Variants in MTA3 observed in about 807,000 individuals in gnomAD.
MTA3 encodes metastasis associated 1 family member 3, also known as metastasis-associated protein MTA3.
In MTA3, 34 loss-of-function variants were observed where a neutral mutation model predicts 83.5. The observed-to-expected ratio is 0.41, with a 90% CI of 0.31 to 0.54. MTA3 has a LOEUF of 0.54. Ranked by LOEUF, MTA3 falls within the 20% of genes least tolerant of loss-of-function variation. MTA3 has a pLI of 0.33. For missense variants in MTA3, 761 were observed against 726.4 expected (o/e 1.05, Z -0.55); for synonymous variants, 303 against 252.7 (o/e 1.20, Z -1.89).
At chr2:42,720,406 C>G (rs1573751688) in intron 15 of MTA3, among the ~76,000 whole-genome samples, 5 of 152,222 alleles carry the variant, frequency 3.3e-5, no homozygotes, top group African/African-American at 1.2e-4. Flanking sequence ...GGGTCTCAAT[C>G]TCCTGACCTC....
intron 3 of MTA3, among the ~76,000 whole-genome samples, chr2:42,581,436 C>T: frequency 7.2e-6 from 1 of 139,206 alleles, no homozygotes. Context: ...GTGGCAGGAT[C>T]ATAGCTCACT....
intron 2 of MTA3, chr2:42,532,751 T>TTTA: frequency 4.3e-6 from 1 of 235,100 alleles, no homozygotes; most frequent in Non-Finnish European, 8.4e-6. Context: ...TTTTTTTTTT[T>TTTA]AAACACCTAT....
chr2:42,579,022 T>G, intron 2 of MTA3, 85 bp from the exon 3 acceptor site: 1 of 859,608 alleles, frequency 1.2e-6, no homozygotes, highest in Non-Finnish European at 1.8e-6. Context: ...CATGATCATA[T>G]AATTGTGCTG....
chr2:42,698,193 T>C (rs1195499580), intron 11 of MTA3, among the ~76,000 whole-genome samples: 3 of 152,222 alleles, frequency 2.0e-5, no homozygotes, highest in African/African-American at 7.2e-5. Flanking sequence ...TACTGCTCTT[T>C]GGAGGTTTGT....
intron 2 of MTA3, among the ~76,000 whole-genome samples, chr2:42,555,791 G>A (rs559577944): frequency 6.7e-5 from 10 of 149,880 alleles, no homozygotes; most frequent in Non-Finnish European, 1.3e-4. Context: ...GAAAGAAAAG[G>A]CCAGGCACGG....
At chr2:42,608,046 C>T (rs1573238468) in intron 3 of MTA3, among the ~76,000 whole-genome samples, 3 of 152,212 alleles carry the variant, frequency 2.0e-5, no homozygotes, top group East Asian at 1.9e-4. Flanking sequence ...TGAGAGATGC[C>T]GTTGTGATTT....
chr2:42,524,301 A>T (rs1401247611), intron 2 of MTA3, among the ~76,000 whole-genome samples: 1 of 149,084 alleles, frequency 6.7e-6, no homozygotes, highest in Non-Finnish European at 1.5e-5. Context: ...AACCATTATT[A>T]TTATTTTTTT....
At chr2:42,598,449 A>T (rs1420284101) in intron 3 of MTA3, among the ~76,000 whole-genome samples, 1 of 152,180 alleles carries the variant, frequency 6.6e-6, no homozygotes, top group Non-Finnish European at 1.5e-5. Flanking sequence ...TTCATTTAGC[A>T]TTCCAAATCA....
intron 3 of MTA3, among the ~76,000 whole-genome samples, chr2:42,580,099 A>C (rs1193543369): frequency 6.6e-6 from 1 of 152,006 alleles, no homozygotes. Context: ...GTGCACCACG[A>C]CACCAGGCTA....
At chr2:42,611,322 T>TACACACAC (rs141803741) in intron 4 of MTA3, among the ~76,000 whole-genome samples, 1,608 of 16,074 alleles carry the variant, frequency 0.1, 27 homozygotes, top group African/African-American at 0.33. Context: ...ACTTAACACA[T>TACACACAC]ACACACACAC....
chr2:42,621,563 C>T (rs1055572912), intron 4 of MTA3, among the ~76,000 whole-genome samples: 3 of 152,252 alleles, frequency 2.0e-5, no homozygotes, highest in Non-Finnish European at 4.4e-5. Flanking sequence ...TCTGACTTCT[C>T]TATCTTTTCC....
At chr2:42,549,634 C>T (rs1365795238) in intron 2 of MTA3, among the ~76,000 whole-genome samples, 2 of 119,498 alleles carry the variant, frequency 1.7e-5, no homozygotes. Flanking sequence ...TATACATATA[C>T]ATATATAATA....
chr2:42,556,253 C>T (rs187659647), intron 2 of MTA3, among the ~76,000 whole-genome samples: 1 of 152,216 alleles, frequency 6.6e-6, no homozygotes, highest in East Asian at 1.9e-4. Context: ...CCAGAGTCTC[C>T]CGAAAGCCTA....
intron 3 of MTA3, among the ~76,000 whole-genome samples, chr2:42,607,397 C>T (rs534422263): frequency 3.1e-4 from 47 of 152,194 alleles, no homozygotes; most frequent in African/African-American, 1.1e-3. Context: ...TTATTTATTT[C>T]GACATAGGGT....
intron 2 of MTA3, among the ~76,000 whole-genome samples, chr2:42,510,112 G>T (rs556543871): frequency 5.6e-4 from 85 of 152,130 alleles, no homozygotes; most frequent in African/African-American, 2.0e-3. Flanking sequence ...GATCACTTGA[G>T]GTCAGGAGTT....
At chr2:42,703,296 A>G (rs1249007695) in intron 11 of MTA3, 2 of 152,170 alleles carry the variant, frequency 1.3e-5, no homozygotes, top group African/African-American at 2.4e-5. Flanking sequence ...TTCAAATGCT[A>G]TGTAATATTT....
At chr2:42,712,394 C>T (rs1182235347) in intron 14 of MTA3, among the ~76,000 whole-genome samples, 2 of 152,028 alleles carry the variant, frequency 1.3e-5, no homozygotes, top group East Asian at 1.9e-4. Flanking sequence ...AACTCTGGGG[C>T]CCAAGTGATC....
At chr2:42,646,218 T>C (rs997197663) in intron 6 of MTA3, among the ~76,000 whole-genome samples, 1 of 152,224 alleles carries the variant, frequency 6.6e-6, no homozygotes, top group Non-Finnish European at 1.5e-5. Flanking sequence ...AAACTGCTCA[T>C]TGATAATGCT....
chr2:42,681,429 A>G lies in MTA3; in HGVS notation c.703-972A>G, dbSNP rs367551380. On this transcript the variant is annotated intron_variant, in intron 8 of 16. Transcript: ENST00000405094. ...AGATTTTTTTCTCACTCTCTGATACATAATCTGTATATTTTTCCCTGGTCA... is the reference window on the plus strand; with the variant it reads ...AGATTTTTTTCTCACTCTCTGATACGTAATCTGTATATTTTTCCCTGGTCA... Among the ~76,000 whole-genome samples the G allele has an allele frequency of 3.9e-5, 6 of 152,314 alleles. No homozygotes were observed. The East Asian group carries it at 9.6e-4, about 24-fold the overall frequency.
Sources: gnomAD v4.1 joint callset for allele counts (sites outside exome capture counted in the v4.1 genomes callset) on GRCh38, gnomAD v4.1.1 for gene constraint, MANE v1.5 for transcripts, NCBI Gene and HGNC (gene_info 2026-07-23, HGNC 2026-07-21) for gene names.